ADAMTSL1: variants seen among roughly 807,000 people sequenced by gnomAD.
ADAMTSL1 encodes ADAMTS like 1.
A neutral mutation model predicts 201.8 loss-of-function variants in ADAMTSL1; 126 were observed. The ratio of observed to expected loss-of-function variants is 0.62; its 90% CI spans 0.54 to 0.72. The LOEUF (loss-of-function observed/expected upper bound fraction) is 0.72, where lower values mean the gene tolerates loss of function less well. Among genes scored for constraint, ADAMTSL1 ranks in the 30% least tolerant of loss-of-function variants. ADAMTSL1 has a pLI of 0.00. For missense variants in ADAMTSL1, 2,679 were observed against 2,277.8 expected (o/e 1.18, Z -3.59); for synonymous variants, 1,121 against 903.4 (o/e 1.24, Z -4.32).
chr9:18,160,847 ATT>A (rs35532729), intron 1 of ADAMTSL1, among the ~76,000 whole-genome samples: 124 of 119,228 alleles, frequency 1.0e-3, no homozygotes, highest in Admixed American at 1.6e-3. Flanking sequence ...ACCTGGCTAA[ATT>A]TTTTTTTTTT....
At chr9:18,325,603 C>T (rs1424783405) in intron 2 of ADAMTSL1, among the ~76,000 whole-genome samples, 3 of 152,184 alleles carry the variant, frequency 2.0e-5, no homozygotes, top group Non-Finnish European at 4.4e-5. Flanking sequence ...TCTCACAGTT[C>T]TGGAGGCTGG....
At chr9:18,392,510 C>T (rs1838093693) in intron 2 of ADAMTSL1, among the ~76,000 whole-genome samples, 1 of 152,218 alleles carries the variant, frequency 6.6e-6, no homozygotes, top group East Asian at 1.9e-4. Flanking sequence ...CTACTGACAA[C>T]AGTTTTCCCT....
chr9:18,591,618 C>G (rs1471192868), intron 4 of ADAMTSL1, among the ~76,000 whole-genome samples: 2 of 152,018 alleles, frequency 1.3e-5, no homozygotes, highest in Admixed American at 1.3e-4. Context: ...TTTCTTTGTG[C>G]CTAAGTGATT....
intron 17 of ADAMTSL1, among the ~76,000 whole-genome samples, chr9:18,775,058 T>A (rs7024446): frequency 0.012 from 1,507 of 129,740 alleles, 17 homozygotes; most frequent in African/African-American, 0.025. Flanking sequence ...GTCTTTTTTT[T>A]TTATTATTAT....
chr9:18,434,145 A>G (rs959127649), intron 2 of ADAMTSL1, among the ~76,000 whole-genome samples: 2 of 152,208 alleles, frequency 1.3e-5, no homozygotes, highest in Non-Finnish European at 1.5e-5. Flanking sequence ...ATTTAGCCCT[A>G]CGTTTAGTTC....
intron 20 of ADAMTSL1, among the ~76,000 whole-genome samples, chr9:18,802,436 C>T (rs890910565): frequency 1.1e-4 from 17 of 152,280 alleles, no homozygotes; most frequent in African/African-American, 4.1e-4. Context: ...CATAAATCTA[C>T]CTAATCTTGA....
chr9:18,498,506 T>A (rs1218573991), intron 1 of ADAMTSL1, among the ~76,000 whole-genome samples: 1 of 152,054 alleles, frequency 6.6e-6, no homozygotes, highest in African/African-American at 2.4e-5. Context: ...CTGGCTAATT[T>A]TTTGTGTTTG....
chr9:18,138,052 G>A (rs527399808), intron 1 of ADAMTSL1, among the ~76,000 whole-genome samples: 1 of 152,128 alleles, frequency 6.6e-6, no homozygotes, highest in Non-Finnish European at 1.5e-5. Context: ...CTGTAGAGCA[G>A]GGTTTGATTC....
intron 1 of ADAMTSL1, among the ~76,000 whole-genome samples, chr9:18,036,101 G>C (rs917833799): frequency 6.6e-6 from 1 of 152,168 alleles, no homozygotes; most frequent in African/African-American, 2.4e-5. Context: ...AAATGACCAA[G>C]CTGAGACTTG....
chr9:18,561,950 A>C (rs1185070032), intron 3 of ADAMTSL1, among the ~76,000 whole-genome samples: 3 of 152,162 alleles, frequency 2.0e-5, no homozygotes, highest in Non-Finnish European at 4.4e-5. Context: ...AATACAGCAC[A>C]CTGATGGGTC....
chr9:18,786,131 A>T (rs1821693658), intron 19 of ADAMTSL1, among the ~76,000 whole-genome samples: 2 of 152,238 alleles, frequency 1.3e-5, no homozygotes, highest in African/African-American at 4.8e-5. Context: ...ATGCTTGAAG[A>T]AAATACTTAT....
At chr9:18,307,670 T>C (rs144059603) in intron 2 of ADAMTSL1, among the ~76,000 whole-genome samples, 2,633 of 152,136 alleles carry the variant, frequency 0.017, 68 homozygotes, top group African/African-American at 0.059. Context: ...ATGCACCCAA[T>C]ACAGGAGCAC....
chr9:17,961,828 CATGG>C (rs1817766273), intron 1 of ADAMTSL1, among the ~76,000 whole-genome samples: 1 of 152,140 alleles, frequency 6.6e-6, no homozygotes, highest in African/African-American at 2.4e-5. Context: ...GGGAGAGCAG[CATGG>C]TGTGGTCACC....
chr9:18,697,519 C>G (rs1424826954), intron 13 of ADAMTSL1, among the ~76,000 whole-genome samples: 1 of 152,106 alleles, frequency 6.6e-6, no homozygotes, highest in Non-Finnish European at 1.5e-5. Flanking sequence ...TTGCCTATTT[C>G]AAAATGTTTC....
rs142066592 is a variant in ADAMTSL1 at position 18,717,916 on chromosome 9, A to C, written c.1877-3620A>C. ...TTAACAAAGTTGGAGTGTTGGCACT[A>C]TTGAATTGGACAACAGTTCTTCAGA... On this transcript the variant is annotated intron_variant, in intron 14 of 28. Transcript: ENST00000380548. The C allele has an allele frequency of 1.6e-4, 188 of 1,159,044 alleles. 1 individual carries two copies. In the African/African-American group the frequency reaches 2.5e-3, roughly 15 times the overall value. 71.8% of individuals were successfully genotyped at this position (1,159,044 alleles called of 1,614,324 possible).
At chr9:18,670,365 A>C (rs1234793816) in intron 9 of ADAMTSL1, among the ~76,000 whole-genome samples, 1 of 152,200 alleles carries the variant, frequency 6.6e-6, no homozygotes, top group Non-Finnish European at 1.5e-5. Flanking sequence ...ATAGCCAATG[A>C]AAAGATACAG....
At chr9:18,267,128 CA>C (rs1181400938) in intron 2 of ADAMTSL1, among the ~76,000 whole-genome samples, 6 of 152,248 alleles carry the variant, frequency 3.9e-5, no homozygotes, top group Non-Finnish European at 5.9e-5. Flanking sequence ...CAGGATCTTA[CA>C]AACATCACTT....
intron 2 of ADAMTSL1, among the ~76,000 whole-genome samples, chr9:18,340,195 A>G (rs952428294): frequency 6.6e-6 from 1 of 152,166 alleles, no homozygotes; most frequent in South Asian, 2.1e-4. Context: ...GTTTCTTTCT[A>G]TCTTGTTGGC....
At chr9:18,466,573 A>G (rs1010613415) in intron 2 of ADAMTSL1, among the ~76,000 whole-genome samples, 1 of 152,218 alleles carries the variant, frequency 6.6e-6, no homozygotes, top group African/African-American at 2.4e-5. Flanking sequence ...TAGCCATTCC[A>G]TAATGTTCAA....
Sources: allele counts gnomAD v4.1 joint callset (sites outside exome capture counted in the v4.1 genomes callset), GRCh38; gene constraint gnomAD v4.1.1; transcripts MANE v1.5; gene names NCBI Gene and HGNC (gene_info 2026-07-23, HGNC 2026-07-21).